Variants in SOX5 observed in about 807,000 individuals in gnomAD.
SOX5 encodes transcription factor SOX-5.
A neutral mutation model predicts 92.0 loss-of-function variants in SOX5; 9 were observed. The observed-to-expected ratio is 0.10, with a 90% CI of 0.06 to 0.17. SOX5 has a LOEUF of 0.17. Among genes scored for constraint, SOX5 ranks in the 10% least tolerant of loss-of-function variants. The pLI is 1.00. For missense variants in SOX5, 642 were observed against 944.5 expected, an observed-to-expected ratio of 0.68 and a Z score of 4.20; for synonymous variants, 344 against 336.3, an observed-to-expected ratio of 1.02 and a Z score of -0.25.
At chr12:23,561,430 G>A (rs543404755) in intron 11 of SOX5, among the ~76,000 whole-genome samples, 1 of 152,282 alleles carries the variant, frequency 6.6e-6, no homozygotes, top group East Asian at 1.9e-4. Context: ...AAAGTCATGT[G>A]TTAGAACAAC....
intron 11 of SOX5, among the ~76,000 whole-genome samples, chr12:23,549,479 A>G (rs536409137): frequency 6.6e-6 from 1 of 152,082 alleles, no homozygotes; most frequent in East Asian, 1.9e-4. Flanking sequence ...TGGAACACAA[A>G]TCCAGCACAG....
In SOX5 at chr12:23,583,431, C is replaced by T. The variant is rs143323654; in HGVS notation, c.1165-7593G>A. Among the ~76,000 whole-genome samples the T allele has an allele frequency of 2.3e-3, 346 of 152,092 alleles. 15 individuals are homozygous for T. In the East Asian group the frequency reaches 0.056, roughly 25 times the overall value. The stretch of plus-strand genomic sequence containing the variant: ...ACTATTCTTGAAAAGAGGAAGAATG[C>T]GAGGAATACTCGTGTCAACAATAAT... On this transcript the variant is annotated intron_variant, in intron 9 of 14. Coordinates refer to ENST00000451604, the MANE Select transcript of SOX5 (RefSeq NM_006940.6).
intron 1 of SOX5, among the ~76,000 whole-genome samples, chr12:23,902,438 A>G (rs908802880): frequency 2.0e-5 from 3 of 152,160 alleles, no homozygotes; most frequent in Non-Finnish European, 4.4e-5. Flanking sequence ...TATATAAAAA[A>G]TTGCAAAAAT....
intron 4 of SOX5, among the ~76,000 whole-genome samples, chr12:24,110,388 A>C (rs1318222555): frequency 1.3e-5 from 2 of 152,194 alleles, no homozygotes; most frequent in African/African-American, 4.8e-5. Context: ...CTCTTATTCA[A>C]TTTTGTACAG....
intron 1 of SOX5, among the ~76,000 whole-genome samples, chr12:23,937,525 C>T (rs180714225): frequency 6.6e-6 from 1 of 151,046 alleles, no homozygotes; most frequent in African/African-American, 2.4e-5. Flanking sequence ...CCATTAACTT[C>T]CATGCTAATT....
intron 4 of SOX5, among the ~76,000 whole-genome samples, chr12:24,080,112 A>AT (rs1410880722): frequency 6.6e-6 from 1 of 151,926 alleles, no homozygotes; most frequent in Non-Finnish European, 1.5e-5. Context: ...TCCTATTACA[A>AT]TTTTTAGCAA....
At chr12:24,418,693 T>C (rs910787930) in intron 1 of SOX5, among the ~76,000 whole-genome samples, 38 of 152,238 alleles carry the variant, frequency 2.5e-4, no homozygotes, top group Non-Finnish European at 4.9e-4. Flanking sequence ...TGTCTGGTTA[T>C]GTGAAATATT....
intron 1 of SOX5, among the ~76,000 whole-genome samples, chr12:24,517,635 C>A (rs535891736): frequency 6.6e-6 from 1 of 152,136 alleles, no homozygotes; most frequent in African/African-American, 2.4e-5. Flanking sequence ...ATGTTTAACC[C>A]TGACCAAACA....
chr12:24,315,232 C>A (rs1034580655), intron 2 of SOX5, among the ~76,000 whole-genome samples: 2 of 152,172 alleles, frequency 1.3e-5, no homozygotes, highest in Admixed American at 1.3e-4. Flanking sequence ...AGTTACACTG[C>A]ATTTCTAGCT....
At chr12:23,759,509 C>A (rs2141300689) in intron 3 of SOX5, among the ~76,000 whole-genome samples, 1 of 152,124 alleles carries the variant, frequency 6.6e-6, no homozygotes, top group East Asian at 1.9e-4. Context: ...TCAAAAAAAT[C>A]CACATTCAAT....
chr12:24,421,824 A>C (rs1269303737), intron 1 of SOX5, among the ~76,000 whole-genome samples: 1 of 152,242 alleles, frequency 6.6e-6, no homozygotes, highest in African/African-American at 2.4e-5. Flanking sequence ...TATCGGAATG[A>C]GTTGAAGAAC....
chr12:24,446,193 G>A lies in SOX5; in HGVS notation c.-250-77554C>T, dbSNP rs556708925. On this transcript the variant is annotated intron_variant, in intron 1 of 4. Transcript: ENST00000446891. ...TGGTGAGAGCAGGCAGATAACAAAT[G>A]ACTAATAAATTATTAAGAAAAATAA... Among the ~76,000 whole-genome samples the A allele has an allele frequency of 3.3e-5, 5 of 152,246 alleles. No individual in the cohort carries two copies. The East Asian group carries it at 9.6e-4, about 29-fold the overall frequency.
intron 3 of SOX5, among the ~76,000 whole-genome samples, chr12:24,255,291 A>C (rs1166112705): frequency 6.6e-6 from 1 of 152,190 alleles, no homozygotes; most frequent in Non-Finnish European, 1.5e-5. Flanking sequence ...TAAAGTGGCA[A>C]TATTGCCTTT....
chr12:24,089,608 G>T (rs1275019945), intron 4 of SOX5, among the ~76,000 whole-genome samples: 1 of 152,040 alleles, frequency 6.6e-6, no homozygotes, highest in Non-Finnish European at 1.5e-5. Context: ...TGATAAATGT[G>T]GGAAATTGAG....
chr12:23,968,225 G>A (rs994280848), intron 4 of SOX5, among the ~76,000 whole-genome samples: 3 of 152,292 alleles, frequency 2.0e-5, no homozygotes, highest in East Asian at 1.9e-4. Flanking sequence ...ACTTCTCAGT[G>A]AAATAAAGTA....
At chr12:24,178,412 A>G (rs1294165341) in intron 4 of SOX5, among the ~76,000 whole-genome samples, 2 of 152,194 alleles carry the variant, frequency 1.3e-5, no homozygotes, top group East Asian at 3.8e-4. Context: ...AAAGCACTGC[A>G]GTGAGCTGTT....
chr12:24,540,001 T>C (rs1951974371), intron 1 of SOX5, among the ~76,000 whole-genome samples: 1 of 152,096 alleles, frequency 6.6e-6, no homozygotes, highest in Admixed American at 6.6e-5. Flanking sequence ...TGAACTGGAA[T>C]GAAAATTCCA....
chr12:24,464,620 C>T (rs1424314899), intron 1 of SOX5, among the ~76,000 whole-genome samples: 3 of 152,172 alleles, frequency 2.0e-5, no homozygotes, highest in Non-Finnish European at 2.9e-5. Context: ...GGATTACAGG[C>T]GTGAGCCACC....
chr12:24,017,444 A>G (rs1397204276), intron 4 of SOX5, among the ~76,000 whole-genome samples: 2 of 151,862 alleles, frequency 1.3e-5, no homozygotes, highest in Non-Finnish European at 2.9e-5. Flanking sequence ...TAAAAATGCA[A>G]AAAAAATTAG....
Sources: gnomAD v4.1 joint callset for allele counts (sites outside exome capture counted in the v4.1 genomes callset) on GRCh38, gnomAD v4.1.1 for gene constraint, MANE v1.5 for transcripts, NCBI Gene and HGNC (gene_info 2026-07-23, HGNC 2026-07-21) for gene names.